ESRP2: variants seen among roughly 807,000 people sequenced by gnomAD.
ESRP2 encodes epithelial splicing regulatory protein 2.
A neutral mutation model predicts 78.6 loss-of-function variants in ESRP2; 48 were observed. The observed-to-expected ratio is 0.61, with a 90% CI of 0.48 to 0.78. The LOEUF (loss-of-function observed/expected upper bound fraction) is 0.78. Among genes scored for constraint, ESRP2 ranks in the 30% least tolerant of loss-of-function variants. The pLI is 0.00. For synonymous variants in ESRP2, 383 were observed against 406.7 expected, an observed-to-expected ratio of 0.94 and a Z score of 0.70; for missense variants, 863 against 965.9, an observed-to-expected ratio of 0.89 and a Z score of 1.41.
chr16:68,235,495 G>A lies in ESRP2; in HGVS notation c.327+139C>T. The A allele has an allele frequency of 6.9e-7, 1 of 1,450,798 alleles. No homozygotes were observed. Among genetic ancestry groups the A allele is most frequent in the Admixed American group, 2.6e-5 (1 of 38,412 alleles). The allele number at this position is 1,450,798 out of a possible 1,614,324, so 89.9% of individuals were successfully genotyped here. A position where few individuals can be genotyped will look rare whatever the true frequency, so the allele number is the denominator to read the frequency against. ...AAAGGGGCACGCACACGCGAGAGTC[G>A]CTCAAAGTTTCAAACAAGAGCCCAG... is the stretch of plus-strand genomic sequence containing the variant. On this transcript the variant is annotated intron_variant, in intron 2 of 14. Transcript: ENST00000473183. This position sits in a 1 kb window ranked among gnomAD's most constrained non-coding sequence, Gnocchi z 5.5.
chr16:68,230,999 G>A lies in ESRP2; in HGVS notation c.1740C>T (p.Phe580=), dbSNP rs2042127176. Residue 580 remains phenylalanine (F), a synonymous_variant, in exon 13 of 15, where the codon TTC becomes TTT. Transcript: ENST00000473183. ...PCLSPPTYTT[F]QATPTLIPTE... ...TGGGAATGAGCGTTGGGGTGGCTTG[G>A]AAGGTGGTGTAGGTAGGTGGTGAGA... is the stretch of plus-strand genomic sequence containing the variant. 1.3e-6 allele frequency: 2 copies of A among 1,599,132 alleles called. No homozygotes were observed. Among genetic ancestry groups the A allele is most frequent in the Non-Finnish European group, 1.7e-6 (2 of 1,172,750 alleles).
Position 68,235,301 on chromosome 16 carries a change from C to T in ESRP2, c.327+333G>A. The stretch of plus-strand genomic sequence containing the variant: ...CGACCCCTTTCGCTTCCGGCTGCGG[C>T]TCAGGGAGACCTGACCCAGCAGGTC... On this transcript the variant is annotated intron_variant, in intron 2 of 14. Coordinates refer to ENST00000473183, the MANE Select transcript of ESRP2 (RefSeq NM_024939.3). The surrounding 1 kb of genome is among the most constrained non-coding windows in gnomAD (Gnocchi z 5.5). The T allele has an allele frequency of 4.1e-6, 4 of 985,208 alleles. No homozygotes were observed. Among genetic ancestry groups the T allele is most frequent in the Non-Finnish European group, 4.8e-6 (4 of 829,874 alleles). 61.0% of individuals were successfully genotyped at this position (985,208 alleles called of 1,614,324 possible).
chr16:68,230,568 G>T lies in ESRP2; in HGVS notation c.1899-14C>A, dbSNP rs369435938. ...GAGACTGGGGGGCTAGGGTGGGAGA[G>T]ACAAGGTTTAGTCATGCATGCCACC... On this transcript the variant is annotated splice_polypyrimidine_tract_variant and intron_variant, in intron 13 of 14. Coordinates refer to ENST00000473183, the MANE Select transcript of ESRP2 (RefSeq NM_024939.3). The T allele has an allele frequency of 1.3e-6, 2 of 1,547,532 alleles. No homozygotes were observed. Among genetic ancestry groups the T allele is most frequent in the Non-Finnish European group, 1.7e-6 (2 of 1,146,880 alleles).
Position 68,231,776 on chromosome 16 carries a change from G to C in ESRP2, c.1299+26C>G, listed in dbSNP as rs777020470. 6.2e-7 allele frequency: 1 copy of C among 1,603,888 alleles called. No homozygotes were observed. The highest frequency in any genetic ancestry group is 2.2e-5 in the East Asian group (1 of 44,666). On this transcript the variant is annotated intron_variant, in intron 10 of 14. Transcript: ENST00000473183. This position sits in a 1 kb window ranked among gnomAD's most constrained non-coding sequence, Gnocchi z 6.0. Reference sequence around the variant, plus strand: ...GCCGCCCTGGAGTAACAGTACATCTGGGGGTGGGGAGCCCTGGGCGCTCAC... The same window carrying C: ...GCCGCCCTGGAGTAACAGTACATCTCGGGGTGGGGAGCCCTGGGCGCTCAC...
At chr16:68,234,268 A>G (rs894699549) in intron 2 of ESRP2, 161 bp from the exon 3 acceptor site, 51 of 611,560 alleles carry the variant, frequency 8.3e-5, no homozygotes, top group African/African-American at 4.1e-4. Flanking sequence ...GCCTAGCCCT[A>G]TGTCCCTTCC....
In ESRP2 at chr16:68,235,416, C is replaced by G; in HGVS notation, c.327+218G>C. The G allele has an allele frequency of 1.0e-6, 1 of 985,444 alleles. No individual in the cohort carries two copies. The highest frequency in any genetic ancestry group is 1.2e-6 in the Non-Finnish European group (1 of 829,938). The allele number at this position is 985,444 out of a possible 1,614,324, so 61.0% of individuals were successfully genotyped here. A position where few individuals can be genotyped will look rare whatever the true frequency, so the allele number is the denominator to read the frequency against. On this transcript the variant is annotated intron_variant, in intron 2 of 14. Coordinates refer to ENST00000473183, the MANE Select transcript of ESRP2 (RefSeq NM_024939.3). The surrounding 1 kb of genome is among the most constrained non-coding windows in gnomAD (Gnocchi z 5.5). ...CCGATCCCTTCGGTAGGAGTAGGTTCCTGCAATGGTTGAAAAGTAAGGAGC... is the reference window on the plus strand; with the variant it reads ...CCGATCCCTTCGGTAGGAGTAGGTTGCTGCAATGGTTGAAAAGTAAGGAGC...
chr16:68,229,920 A>C lies in ESRP2; in HGVS notation c.*306T>G, dbSNP rs1406695386. 4 of 405,150 alleles carry C rather than the reference A, an allele frequency of 9.9e-6. No individual in the cohort carries two copies. Among genetic ancestry groups the C allele is most frequent in the Non-Finnish European group, 1.4e-5 (3 of 219,558 alleles). 25.1% of individuals were successfully genotyped at this position (405,150 alleles called of 1,614,324 possible). A position where few individuals can be genotyped will look rare whatever the true frequency, so the allele number is the denominator to read the frequency against. On this transcript the variant is annotated 3_prime_UTR_variant, in exon 15 of 15. Transcript: ENST00000473183. ...TGTCAGCCCCACGATATCTGTCGGC[A>C]TGGGCCACAGCCAGGACAGACTTAA...
Position 68,236,078 on chromosome 16 carries a change from C to G in ESRP2, c.-33G>C. 7.2e-7 allele frequency: 1 copy of G among 1,394,582 alleles called. No homozygotes were observed. Among genetic ancestry groups the G allele is most frequent in the Non-Finnish European group, 9.2e-7 (1 of 1,086,082 alleles). The allele number at this position is 1,394,582 out of a possible 1,614,324, so 86.4% of individuals were successfully genotyped here. On this transcript the variant is annotated 5_prime_UTR_variant, in exon 1 of 15. Transcript: ENST00000473183. The surrounding 1 kb of genome is among the most constrained non-coding windows in gnomAD (Gnocchi z 5.2). ...GAGGAAGGGGGCTCTCGGCCAGACA[C>G]GCGGACCGACGAGGCGCACGCACGC...
chr16:68,234,279 C>T, intron 2 of ESRP2, 172 bp from the exon 3 acceptor site: 1 of 600,338 alleles, frequency 1.7e-6, no homozygotes, highest in South Asian at 2.0e-5. Context: ...TGTCCCTTCC[C>T]CTCACCCCCC....
In ESRP2 at chr16:68,234,300, C is replaced by G; in HGVS notation, c.328-193G>C. 6.9e-6 allele frequency: 4 copies of G among 583,082 alleles called. No homozygotes were observed. The Admixed American group carries it at 1.3e-4, about 18-fold the overall frequency. The allele number at this position is 583,082 out of a possible 1,614,324, so 36.1% of individuals were successfully genotyped here. Reference sequence around the variant, plus strand: ...TTCCCCTCACCCCCCAACCCTGTTCCAGTCCACTGTCACCTCCTCCAGGCC... The same window carrying G: ...TTCCCCTCACCCCCCAACCCTGTTCGAGTCCACTGTCACCTCCTCCAGGCC... On this transcript the variant is annotated intron_variant, in intron 2 of 14. Coordinates refer to ENST00000473183, the MANE Select transcript of ESRP2 (RefSeq NM_024939.3).
rs372633810 is a variant in ESRP2 at position 68,234,071 on chromosome 16, C to G, written c.364G>C (p.Gly122Arg). Residue 122 changes from glycine (G) to arginine (R), a missense_variant, in exon 3 of 15, where the codon GGC (glycine) becomes CGC (arginine). Coordinates refer to ENST00000473183, the MANE Select transcript of ESRP2 (RefSeq NM_024939.3). The part of the protein sequence containing the change: ...QLVNGDVALL[G>R]GGPYMLCTDG... ...GTGCAGAGCATGTAGGGGCCCCCGCCCAGCAAAGCCACATCCCCGTTCACC... is the reference window on the plus strand; with the variant it reads ...GTGCAGAGCATGTAGGGGCCCCCGCGCAGCAAAGCCACATCCCCGTTCACC... 18 of 1,613,608 alleles carry G rather than the reference C, an allele frequency of 1.1e-5. No homozygotes were observed. The highest frequency in any genetic ancestry group is 5.0e-5 in the Admixed American group (3 of 59,954).
Position 68,236,107 on chromosome 16 carries a change from G to T in ESRP2, c.-62C>A. The T allele has an allele frequency of 1.5e-6, 2 of 1,353,480 alleles. No homozygotes were observed. Among genetic ancestry groups the T allele is most frequent in the South Asian group, 3.6e-5 (2 of 55,186 alleles). The allele number at this position is 1,353,480 out of a possible 1,614,324, so 83.8% of individuals were successfully genotyped here. ...GACCGACGAGGCGCACGCACGCACCGACCGACCGCAGACGCGGATCAGCTT... is the reference window on the plus strand; with the variant it reads ...GACCGACGAGGCGCACGCACGCACCTACCGACCGCAGACGCGGATCAGCTT... On this transcript the variant is annotated 5_prime_UTR_variant, in exon 1 of 15. Transcript: ENST00000473183. The surrounding 1 kb of genome is among the most constrained non-coding windows in gnomAD (Gnocchi z 5.2).
Position 68,229,648 on chromosome 16 carries a change from A to C in ESRP2, c.*578T>G, listed in dbSNP as rs1598647397. On this transcript the variant is annotated 3_prime_UTR_variant, in exon 15 of 15. Coordinates refer to ENST00000473183, the MANE Select transcript of ESRP2 (RefSeq NM_024939.3). ...TTGCCATCTGTTACTCCTTATGCCC[A>C]CCTGGAGAGGGGCTAGCATCTTTAG... The C allele has an allele frequency of 6.5e-6, 1 of 154,830 alleles. No homozygotes were observed. Among genetic ancestry groups the C allele is most frequent in the East Asian group, 1.9e-4 (1 of 5,254 alleles). The allele number at this position is 154,830 out of a possible 1,614,324, so 9.6% of individuals were successfully genotyped here.
Position 68,232,546 on chromosome 16 carries a change from C to T in ESRP2, c.821+31G>A. 1 of 1,614,084 alleles carries T rather than the reference C, an allele frequency of 6.2e-7. No individual in the cohort carries two copies. The highest frequency in any genetic ancestry group is 8.5e-7 in the Non-Finnish European group (1 of 1,179,990). On this transcript the variant is annotated intron_variant, in intron 7 of 14. Coordinates refer to ENST00000473183, the MANE Select transcript of ESRP2 (RefSeq NM_024939.3). This position sits in a 1 kb window ranked among gnomAD's most constrained non-coding sequence, Gnocchi z 5.2. The stretch of plus-strand genomic sequence containing the variant: ...TTAGTGCCTCCTGGGTAGGCCTGTC[C>T]AATTGGGCCCACCCACCCTGCCACA...
rs1256977216 is a variant in ESRP2, at chr16:68,230,427, C to T, written c.2026G>A (p.Gly676Ser). 1.2e-6 allele frequency: 2 copies of T among 1,613,166 alleles called. No homozygotes were observed. Among genetic ancestry groups the T allele is most frequent in the Admixed American group, 3.3e-5 (2 of 59,950 alleles). Residue 676 changes from glycine (G) to serine (S), a missense_variant, in exon 14 of 15, where the codon GGT (glycine) becomes AGT (serine). Transcript: ENST00000473183. Reference protein sequence around the residue: ...VRMQGVPYTAGMKDLLSVFQA... With the variant: ...VRMQGVPYTASMKDLLSVFQA... ...AAGACGCTGAGCAGATCCTTCATAC[C>T]AGCCGTGTATGGGACACCCTGCATG...
In ESRP2 at chr16:68,235,771, G is replaced by A; in HGVS notation, c.199-9C>T. 1 of 1,609,758 alleles carries A rather than the reference G, an allele frequency of 6.2e-7. No homozygotes were observed. Among genetic ancestry groups the A allele is most frequent in the Non-Finnish European group, 8.5e-7 (1 of 1,178,758 alleles). On this transcript the variant is annotated splice_polypyrimidine_tract_variant and intron_variant, in intron 1 of 14. Transcript: ENST00000473183. This position sits in a 1 kb window ranked among gnomAD's most constrained non-coding sequence, Gnocchi z 5.5. ...TTGTGCAGCGTCCCCACCTGTGAGC[G>A]GCGGGGGAAACCGATCAGCCGCGCC...
rs2042211464 is a variant in ESRP2 at position 68,235,440 on chromosome 16, G to C, written c.327+194C>G. The C allele has an allele frequency of 1.0e-6, 1 of 985,316 alleles. No individual in the cohort carries two copies. The highest frequency in any genetic ancestry group is 4.7e-5 in the South Asian group (1 of 21,292). The allele number at this position is 985,316 out of a possible 1,614,324, so 61.0% of individuals were successfully genotyped here. On this transcript the variant is annotated intron_variant, in intron 2 of 14. Transcript: ENST00000473183. This position sits in a 1 kb window ranked among gnomAD's most constrained non-coding sequence, Gnocchi z 5.5. ...TCCTGCAATGGTTGAAAAGTAAGGAGCCCAGGGGAATGGCTGGCACGCGCG... is the reference window on the plus strand; with the variant it reads ...TCCTGCAATGGTTGAAAAGTAAGGACCCCAGGGGAATGGCTGGCACGCGCG...
Position 68,232,751 on chromosome 16 carries a change from C to T in ESRP2, c.710+10G>A, listed in dbSNP as rs201523758. On this transcript the variant is annotated intron_variant, in intron 6 of 14. Coordinates refer to ENST00000473183, the MANE Select transcript of ESRP2 (RefSeq NM_024939.3). The surrounding 1 kb of genome is among the most constrained non-coding windows in gnomAD (Gnocchi z 5.2). ...CTGTTGTCACCCCCAGCCCCTGCTC[C>T]CACACTCACCAAGGCCCCGTCTCGT... 5.0e-6 allele frequency: 8 copies of T among 1,614,260 alleles called. No individual in the cohort carries two copies. The African/African-American group carries it at 8.0e-5, about 16-fold the overall frequency.
chr16:68,232,451 G>T lies in ESRP2; in HGVS notation c.874C>A (p.Leu292Ile). ...TGCTCGCTGTCCACAAAGCGGATGA[G>T]GGCCTCGCCATTTCTGCGGCCCTGG... is the stretch of plus-strand genomic sequence containing the variant. ...NAQGRRNGEA[L>I]IRFVDSEQRD... is the part of the protein sequence containing the mutation. Residue 292 changes from leucine to isoleucine, a missense_variant, in exon 8 of 15, where the codon CTC becomes ATC. Transcript: ENST00000473183. The surrounding 1 kb of genome is among the most constrained non-coding windows in gnomAD (Gnocchi z 5.2). 1.2e-6 allele frequency: 2 copies of T among 1,614,172 alleles called. No homozygotes were observed. Among genetic ancestry groups the T allele is most frequent in the Non-Finnish European group, 1.7e-6 (2 of 1,180,024 alleles).
Sources: allele counts gnomAD v4.1 joint callset, GRCh38; gene constraint gnomAD v4.1.1; non-coding constraint Gnocchi (gnomAD v3.1); transcripts MANE v1.5; gene names NCBI Gene and HGNC (gene_info 2026-07-23, HGNC 2026-07-21).